CUL4B: variants seen among roughly 807,000 people sequenced by gnomAD.
CUL4B encodes the protein cullin-4B.
In CUL4B, 1 loss-of-function variant was observed where a neutral mutation model predicts 69.2. The observed-to-expected ratio is 0.01, with a 90% CI of 0.01 to 0.07. The LOEUF (loss-of-function observed/expected upper bound fraction) is 0.07, where lower values mean the gene tolerates loss of function less well. Ranked by LOEUF, CUL4B falls within the 10% of genes least tolerant of loss-of-function variation. The probability of loss-of-function intolerance (pLI) is 1.00; values close to 1 mark genes in which losing one functional copy is unlikely to be tolerated. For missense variants in CUL4B, 328 were observed against 638.8 expected (o/e 0.51, Z 5.24); for synonymous variants, 237 against 223.2 (o/e 1.06, Z -0.55).
At chrX:120,547,516 G>T (rs2147337706) in intron 2 of CUL4B, among the ~76,000 whole-genome samples, 1 of 111,952 alleles carries the variant, frequency 8.9e-6, no homozygotes. Flanking sequence ...CTTTTTGAGT[G>T]CCAACATGCT....
At chrX:120,547,984 A>G (rs1371370523) in intron 2 of CUL4B, among the ~76,000 whole-genome samples, 1 of 110,262 alleles carries the variant, frequency 9.1e-6, no homozygotes, top group Non-Finnish European at 1.9e-5. Flanking sequence ...CTATTGTGGG[A>G]CCTTGTGATC....
rs751888920 is a variant in CUL4B, at chrX:120,542,957, G to T, written c.1324+9C>A. 3.4e-6 allele frequency: 4 copies of T among 1,176,770 alleles called. No homozygotes were observed. The highest frequency in any genetic ancestry group is 1.8e-5 in the African/African-American group (1 of 56,833). On this transcript the variant is annotated intron_variant, in intron 9 of 19. Transcript: ENST00000371322. ...AAAAGCAATCTCTTATTTACAAATT[G>T]CCAATTACCTTTCTGAAGAATTGCT... is the stretch of plus-strand genomic sequence containing the variant.
chrX:120,554,122 C>A (rs949506043), intron 2 of CUL4B, among the ~76,000 whole-genome samples: 7 of 112,099 alleles, frequency 6.2e-5, no homozygotes, highest in Non-Finnish European at 1.1e-4. Flanking sequence ...ATAAAGATTT[C>A]TTTTCTAAAG....
At chrX:120,544,786 A>G (rs1452311958) in intron 5 of CUL4B, 143 bp from the exon 6 acceptor site, 1 of 477,203 alleles carries the variant, frequency 2.1e-6, no homozygotes, top group African/African-American at 2.4e-5. Context: ...AAATCCACAC[A>G]TTTAATTTTG....
intron 15 of CUL4B, among the ~76,000 whole-genome samples, 163 bp downstream of exon 15, chrX:120,536,764 G>A (rs568008885): frequency 1.8e-5 from 2 of 111,974 alleles, no homozygotes; most frequent in South Asian, 7.4e-4. Flanking sequence ...GGAAGGCTGA[G>A]GCGGGGGGGA....
At chrX:120,539,216 C>A in intron 12 of CUL4B, 52 bp downstream of exon 12, 1 of 668,395 alleles carries the variant, frequency 1.5e-6, no homozygotes, top group South Asian at 2.8e-5. Context: ...GCTAGCTTCT[C>A]TGTTGAGTGC....
At chrX:120,563,045 C>G (rs141053217), upstream of CUL4B, among the ~76,000 whole-genome samples, 4,681 of 111,757 alleles carry the variant, frequency 0.042, 258 homozygotes, top group African/African-American at 0.14. Context: ...GTTTTTGTGT[C>G]TTGAAAAGTC....
upstream of CUL4B, among the ~76,000 whole-genome samples, chrX:120,566,371 ATATATATATATATATATATG>A (rs1275779479): frequency 5.0e-5 from 3 of 60,031 alleles, no homozygotes; most frequent in East Asian, 8.9e-4. Flanking sequence ...ATATATATAT[ATATATATATATATATATATG>A]TATATATATT....
downstream of CUL4B, among the ~76,000 whole-genome samples, chrX:120,566,949 G>T (rs1925567565): frequency 9.1e-6 from 1 of 110,228 alleles, no homozygotes; most frequent in Non-Finnish European, 1.9e-5. Context: ...TTATGGAGTT[G>T]CTGGGCCTAT....
rs1232600074 is a variant in CUL4B, at chrX:120,534,733, A to C, written c.2161-147T>G. The C allele has an allele frequency of 8.4e-5, 40 of 476,966 alleles. No individual in the cohort carries two copies. In the South Asian group the frequency reaches 1.1e-3, roughly 13 times the overall value. The allele number at this position is 476,966 out of a possible 1,213,427, so 39.3% of individuals were successfully genotyped here. The stretch of plus-strand genomic sequence containing the variant: ...GCAAAGCCACTTGACGTGGTAATAC[A>C]GTATTTCAGTGTGAGGTTTAGGTGT... On this transcript the variant is annotated intron_variant, in intron 16 of 19. Transcript: ENST00000371322.
At chrX:120,538,543 T>C in intron 13 of CUL4B, 117 bp downstream of exon 13, 1 of 552,443 alleles carries the variant, frequency 1.8e-6, no homozygotes. Context: ...TCAATTTATG[T>C]TTTCATCATA....
chrX:120,547,889 G>A (rs1002948560), intron 2 of CUL4B, among the ~76,000 whole-genome samples: 2 of 110,693 alleles, frequency 1.8e-5, no homozygotes, highest in Non-Finnish European at 3.8e-5. Flanking sequence ...CATGCTGGAT[G>A]CTTCCTGCCC....
intron 14 of CUL4B, among the ~76,000 whole-genome samples, chrX:120,537,626 G>T (rs1410123109): frequency 8.9e-6 from 1 of 111,943 alleles, no homozygotes; most frequent in Non-Finnish European, 1.9e-5. Context: ...GGGTAAAGAA[G>T]TCACTACTAA....
At chrX:120,572,237 G>T (rs1166959531) in intron 2 of CUL4B, among the ~76,000 whole-genome samples, 4 of 109,609 alleles carry the variant, frequency 3.6e-5, no homozygotes, top group Admixed American at 9.8e-5. Flanking sequence ...GCCAAGGCAG[G>T]TGGGTCACTT....
rs1248442715 is a variant in CUL4B, at chrX:120,538,051, T to C, written c.1938+73A>G. 4 of 731,528 alleles carry C rather than the reference T, an allele frequency of 5.5e-6. No homozygotes were observed. The African/African-American group carries it at 8.4e-5, about 15-fold the overall frequency. The allele number at this position is 731,528 out of a possible 1,213,427, so 60.3% of individuals were successfully genotyped here. Reference sequence around the variant, plus strand: ...CAAACACGTTTCTATTTATCCTCTTTAGTACAAATCATAGCAAGCAGATAA... The same window carrying C: ...CAAACACGTTTCTATTTATCCTCTTCAGTACAAATCATAGCAAGCAGATAA... On this transcript the variant is annotated intron_variant, in intron 14 of 19. Transcript: ENST00000371322.
chrX:120,528,130 G>A (rs1303136775), intron 19 of CUL4B, among the ~76,000 whole-genome samples: 1 of 111,670 alleles, frequency 9.0e-6, no homozygotes, highest in Non-Finnish European at 1.9e-5. Flanking sequence ...ATTTAGACCG[G>A]GTGTGGTGGC....
intron 2 of CUL4B, among the ~76,000 whole-genome samples, chrX:120,556,490 G>A (rs926092832): frequency 1.8e-5 from 2 of 111,402 alleles, no homozygotes; most frequent in Admixed American, 9.6e-5. Context: ...CAGCAACCTT[G>A]TGAGACAGGT....
At chrX:120,532,324 G>A in intron 18 of CUL4B, 98 bp downstream of exon 18, 3 of 625,949 alleles carry the variant, frequency 4.8e-6, no homozygotes, top group Admixed American at 6.0e-5. Context: ...AATATTAATG[G>A]TATTGGCAGT....
At chrX:120,559,717 C>A in intron 1 of CUL4B, 1 of 921,717 alleles carries the variant, frequency 1.1e-6, no homozygotes, top group Non-Finnish European at 1.4e-6. Flanking sequence ...AAAATCCCAG[C>A]AATGCCAAGG....
Sources: allele counts gnomAD v4.1 joint callset (sites outside exome capture counted in the v4.1 genomes callset), GRCh38; gene constraint gnomAD v4.1.1; transcripts MANE v1.5; gene names NCBI Gene and HGNC (gene_info 2026-07-23, HGNC 2026-07-21).